Variants in MRPL16 observed in about 807,000 individuals in gnomAD.
MRPL16 encodes large ribosomal subunit protein uL16m.
MRPL16 carries 17 observed loss-of-function variants against 22.7 expected under a neutral mutation model. The observed-to-expected ratio is 0.75, with a 90% CI of 0.51 to 1.12. The LOEUF (loss-of-function observed/expected upper bound fraction) is 1.12. MRPL16 is among the 50% of genes most tolerant of loss of function. The pLI is 0.00. For synonymous variants in MRPL16, 103 were observed against 112.8 expected (o/e 0.91, Z 0.55); for missense variants, 316 against 328.7 (o/e 0.96, Z 0.30).
At position 59,807,832 on chromosome 11, in the gene MRPL16, T is replaced by C. The variant is rs757620012; in HGVS notation, c.139A>G (p.Lys47Glu). The change falls in exon 3 of 4, where the codon AAA (lysine) becomes GAA (glutamate). Residue 47 changes from lysine (K) to glutamate (E), a missense_variant. Transcript: ENST00000300151. ...CTTTCAATAAATCTAAGCTTGGGTTTTTCAGGAATGGAAACATCTAAAAGA... is the reference window on the plus strand; with the variant it reads ...CTTTCAATAAATCTAAGCTTGGGTTCTTCAGGAATGGAAACATCTAAAAGA... ...PSFEDVSIPE[K>E]PKLRFIERAP... 6.2e-7 allele frequency: 1 copy of C among 1,609,074 alleles called. No individual in the cohort carries two copies. The highest frequency in any genetic ancestry group is 8.5e-7 in the Non-Finnish European group (1 of 1,178,180).
chr11:59,810,422 G>T, intron 1 of MRPL16, 182 bp downstream of exon 1: 1 of 1,419,752 alleles, frequency 7.0e-7, no homozygotes, highest in Non-Finnish European at 9.2e-7. Context: ...CCGACTCCCA[G>T]ACGCAGCTGT....
Position 59,810,680 on chromosome 11 carries a change from C to G in MRPL16, c.-22G>C. The G allele has an allele frequency of 6.2e-7, 1 of 1,613,556 alleles. No individual in the cohort carries two copies. The highest frequency in any genetic ancestry group is 8.5e-7 in the Non-Finnish European group (1 of 1,179,740). ...ACATGGTCACGGGCGTCCGGCGGCG[C>G]GGAGCTCCCCCAGCGACTCCGGCTG... On this transcript the variant is annotated 5_prime_UTR_variant, in exon 1 of 4. Transcript: ENST00000300151.
chr11:59,807,206 G>C (rs1866115113), intron 3 of MRPL16: 1 of 217,598 alleles, frequency 4.6e-6, no homozygotes, highest in South Asian at 9.1e-5. Flanking sequence ...TGAGGAATGG[G>C]GAGAGTGGGC....
In MRPL16 at chr11:59,809,857, T is replaced by C. The variant is rs1302059128; in HGVS notation, c.119A>G (p.Glu40Gly). The change falls in exon 2 of 4, where the codon GAA becomes GGA. Residue 40 changes from glutamate (E) to glycine (G), a missense_variant and splice_region_variant. Transcript: ENST00000300151. ...VKTLLPVPSF[E>G]DVSIPEKPKL... is the part of the protein sequence containing the mutation. Reference sequence around the variant, plus strand: ...ACAGGAGAAAGACAAGCTCTCACCTTCAAAACTTGGTACTGGGAGCAGTGT... The same window carrying C: ...ACAGGAGAAAGACAAGCTCTCACCTCCAAAACTTGGTACTGGGAGCAGTGT... 2 of 1,612,470 alleles carry C rather than the reference T, an allele frequency of 1.2e-6. No homozygotes were observed. The highest frequency in any genetic ancestry group is 8.5e-7 in the Non-Finnish European group (1 of 1,179,128).
intron 2 of MRPL16, 89 bp downstream of exon 2, chr11:59,809,766 A>C: frequency 1.7e-6 from 2 of 1,148,590 alleles, no homozygotes; most frequent in South Asian, 2.7e-5. Context: ...GGGGATGGGA[A>C]ACACGAGAAC....
chr11:59,810,555 G>T lies in MRPL16; in HGVS notation c.55+49C>A, dbSNP rs749074780. The T allele has an allele frequency of 4.3e-6, 7 of 1,610,576 alleles. No homozygotes were observed. The East Asian group carries it at 6.7e-5, about 15-fold the overall frequency. ...TTAGGGAGAAAAAGCACTGGAGGGTGGGGGAGGAAGAGGGGTAAAGTCTTT... is the reference window on the plus strand; with the variant it reads ...TTAGGGAGAAAAAGCACTGGAGGGTTGGGGAGGAAGAGGGGTAAAGTCTTT... On this transcript the variant is annotated intron_variant, in intron 1 of 3. Coordinates refer to ENST00000300151, the MANE Select transcript of MRPL16 (RefSeq NM_017840.4).
At chr11:59,808,893 A>G (rs945758395) in intron 2 of MRPL16, 1 of 152,236 alleles carries the variant, frequency 6.6e-6, no homozygotes, top group African/African-American at 2.4e-5. Flanking sequence ...GATTTGGGGA[A>G]AAAAGTTAAC....
In MRPL16 at chr11:59,806,785, G is replaced by T. The variant is rs763123729; in HGVS notation, c.318C>A (p.Arg106=). 12 of 1,612,648 alleles carry T rather than the reference G, an allele frequency of 7.4e-6. No homozygotes were observed. The highest frequency in any genetic ancestry group is 1.0e-5 in the Non-Finnish European group (12 of 1,178,668). ...GGTCCATAGAGCGGTTGATTGTCAG[G>T]CGCATCATTTCAAAGTGGCCCCAAT... ...YLHWGHFEMM[R]LTINRSMDPK... The change falls in exon 4 of 4, where the codon CGC becomes CGA. Residue 106 remains arginine, a synonymous_variant. Transcript: ENST00000300151.
rs756271572 is a variant in MRPL16, at chr11:59,810,626, C to G, written c.33G>C (p.Pro11=). 6.2e-7 allele frequency: 1 copy of G among 1,614,168 alleles called. No individual in the cohort carries two copies. The highest frequency in any genetic ancestry group is 1.7e-5 in the Admixed American group (1 of 60,032). MWRLLARASA[P]LLRVPLSDSW... ...GACCTGACAAGGGCACCCGCAGGAG[C>G]GGCGCACTAGCGCGAGCCAGCAGCC... is the stretch of plus-strand genomic sequence containing the variant. Residue 11 remains proline, a synonymous_variant, in exon 1 of 4, where the codon CCG becomes CCC. Coordinates refer to ENST00000300151, the MANE Select transcript of MRPL16 (RefSeq NM_017840.4).
At chr11:59,809,664 T>C (rs1014590147) in intron 2 of MRPL16, 191 bp downstream of exon 2, 7 of 608,290 alleles carry the variant, frequency 1.2e-5, no homozygotes, top group Middle Eastern at 8.8e-4. Context: ...GGAACTTTTT[T>C]GGTTTCCTTT....
At chr11:59,806,895 T>C (rs1436790603) in intron 3 of MRPL16, 63 bp from the exon 4 acceptor site, 7 of 1,543,712 alleles carry the variant, frequency 4.5e-6, no homozygotes, top group African/African-American at 1.4e-5. Flanking sequence ...GGGCTCATTA[T>C]TTTGTCTCTT....
intron 2 of MRPL16, chr11:59,809,499 C>A: frequency 8.8e-6 from 2 of 226,008 alleles, no homozygotes; most frequent in South Asian, 1.0e-4. Context: ...CCCGCCTCCG[C>A]CTCCTAAAGT....
chr11:59,809,980 G>A, intron 1 of MRPL16, 60 bp from the exon 2 acceptor site: 1 of 1,342,812 alleles, frequency 7.4e-7, no homozygotes, highest in Non-Finnish European at 1.0e-6. Flanking sequence ...GATACAACCT[G>A]GGCCAAAGGT....
chr11:59,809,193 G>C (rs750546178), intron 2 of MRPL16, among the ~76,000 whole-genome samples: 2 of 152,062 alleles, frequency 1.3e-5, no homozygotes, highest in Non-Finnish European at 2.9e-5. Context: ...TTTTTAAAAA[G>C]TAAACTAGTT....
Position 59,807,928 on chromosome 11 carries a change from A to G in MRPL16, c.122-79T>C, listed in dbSNP as rs1317027865. ...CTATTTTCCTAGAAAGATTTATAAC[A>G]GGTGAAAGTCTTAATTTCTTTCTTC... On this transcript the variant is annotated intron_variant, in intron 2 of 3. Transcript: ENST00000300151. 4 of 1,390,432 alleles carry G rather than the reference A, an allele frequency of 2.9e-6. No homozygotes were observed. The East Asian group carries it at 7.4e-5, about 26-fold the overall frequency. The allele number at this position is 1,390,432 out of a possible 1,614,324, so 86.1% of individuals were successfully genotyped here.
At position 59,809,969 on chromosome 11, in the gene MRPL16, C is replaced by G; in HGVS notation, c.56-49G>C. The G allele has an allele frequency of 2.0e-6, 3 of 1,478,158 alleles. No individual in the cohort carries two copies. The South Asian group carries it at 3.5e-5, about 17-fold the overall frequency. The allele number at this position is 1,478,158 out of a possible 1,614,324, so 91.6% of individuals were successfully genotyped here. ...CGACGAAGGTAACAGGCCGGGACCC[C>G]GATACAACCTGGGCCAAAGGTACTA... is the stretch of plus-strand genomic sequence containing the variant. On this transcript the variant is annotated intron_variant, in intron 1 of 3. Coordinates refer to ENST00000300151, the MANE Select transcript of MRPL16 (RefSeq NM_017840.4).
intron 2 of MRPL16, among the ~76,000 whole-genome samples, chr11:59,808,217 A>T (rs1036958396): frequency 6.6e-6 from 1 of 152,242 alleles, no homozygotes; most frequent in Admixed American, 6.5e-5. Flanking sequence ...TAAAGATAGC[A>T]AAGTTTTATC....
At chr11:59,810,250 T>C in intron 1 of MRPL16, 7 of 1,163,798 alleles carry the variant, frequency 6.0e-6, no homozygotes, top group African/African-American at 1.6e-5. Flanking sequence ...CTCAAGTGAT[T>C]CGCCCGCCTC....
At chr11:59,809,722 A>C (rs1866153806) in intron 2 of MRPL16, 133 bp downstream of exon 2, 1 of 843,956 alleles carries the variant, frequency 1.2e-6, no homozygotes, top group Admixed American at 2.9e-5. Flanking sequence ...GCAAAACTGT[A>C]AGCTCTAAAA....
Sources: gnomAD v4.1 joint callset for allele counts (sites outside exome capture counted in the v4.1 genomes callset) on GRCh38, gnomAD v4.1.1 for gene constraint, MANE v1.5 for transcripts, NCBI Gene and HGNC (gene_info 2026-07-23, HGNC 2026-07-21) for gene names.